APPL2: variants seen among roughly 807,000 people sequenced by gnomAD.
APPL2 encodes the protein adaptor protein, phosphotyrosine interacting with PH domain and leucine zipper 2.
A neutral mutation model predicts 92.7 loss-of-function variants in APPL2; 84 were observed. The ratio of observed to expected loss-of-function variants is 0.91; its 90% CI spans 0.76 to 1.09. APPL2 has a LOEUF of 1.09. Ranked by LOEUF, APPL2 falls within the 50% of genes least tolerant of loss-of-function variation. APPL2 has a pLI of 0.00. For missense variants in APPL2, 736 were observed against 824.5 expected (o/e 0.89, Z 1.31); for synonymous variants, 291 against 291.0 (o/e 1.00, Z 0.00).
At chr12:105,200,960 G>A (rs757650425) in intron 9 of APPL2, among the ~76,000 whole-genome samples, 15 of 152,092 alleles carry the variant, frequency 9.9e-5, no homozygotes, top group Admixed American at 2.6e-4. Context: ...CCAGGCTGGA[G>A]TGCAGTGGCA....
rs769911902 is a variant in APPL2 at position 105,174,199 on chromosome 12, C to T, written c.*115G>A. 113 of 1,329,156 alleles carry T rather than the reference C, an allele frequency of 8.5e-5. 1 individual carries two copies. The South Asian group carries it at 1.7e-3, about 19-fold the overall frequency. 82.3% of individuals were successfully genotyped at this position (1,329,156 alleles called of 1,614,324 possible). A position where few individuals can be genotyped will look rare whatever the true frequency, so the allele number is the denominator to read the frequency against. ...ATCAAGGCATCAAGATTACATTCCA[C>T]AAACGATTGTCAGCCTTCGGAAATC... On this transcript the variant is annotated 3_prime_UTR_variant, in exon 21 of 21. Transcript: ENST00000258530.
chr12:105,185,036 T>C (rs1566054092), intron 17 of APPL2, among the ~76,000 whole-genome samples: 1 of 152,184 alleles, frequency 6.6e-6, no homozygotes, highest in African/African-American at 2.4e-5. Flanking sequence ...ATGATCTTCC[T>C]GATGGCTTTC....
chr12:105,227,061 C>A (rs202157126), intron 2 of APPL2, among the ~76,000 whole-genome samples: 1 of 151,698 alleles, frequency 6.6e-6, no homozygotes, highest in East Asian at 1.9e-4. Context: ...TTAGAGGCTA[C>A]AGTGAGGTAT....
chr12:105,231,977 T>C (rs937872105), intron 1 of APPL2, among the ~76,000 whole-genome samples: 1 of 152,176 alleles, frequency 6.6e-6, no homozygotes, highest in African/African-American at 2.4e-5. Context: ...GGCACACCAG[T>C]AGCTCAAAAT....
chr12:105,212,875 G>C (rs1361736962), intron 4 of APPL2, among the ~76,000 whole-genome samples: 1 of 152,210 alleles, frequency 6.6e-6, no homozygotes, highest in African/African-American at 2.4e-5. Flanking sequence ...TGCCAGGCAA[G>C]GAAGCACCGG....
At chr12:105,179,168 G>A (rs1218371628) in intron 17 of APPL2, among the ~76,000 whole-genome samples, 1 of 152,110 alleles carries the variant, frequency 6.6e-6, no homozygotes, top group Non-Finnish European at 1.5e-5. Context: ...CCCAGTGTGT[G>A]ATGTTCCCCT....
intron 4 of APPL2, among the ~76,000 whole-genome samples, chr12:105,215,700 T>C (rs1889626806): frequency 6.6e-6 from 1 of 152,240 alleles, no homozygotes; most frequent in Non-Finnish European, 1.5e-5. Flanking sequence ...CACTCCTTTA[T>C]GTTTATTCTT....
rs12311156 is a variant in APPL2 at position 105,206,974 on chromosome 12, G to C, written c.621+87C>G. 971 of 1,488,398 alleles carry C rather than the reference G, an allele frequency of 6.5e-4. 5 individuals are homozygous for C. Among genetic ancestry groups the C allele is most frequent in the South Asian group, 5.2e-3 (389 of 75,442 alleles). 92.2% of individuals were successfully genotyped at this position (1,488,398 alleles called of 1,614,324 possible). A position where few individuals can be genotyped will look rare whatever the true frequency, so the allele number is the denominator to read the frequency against. Reference sequence around the variant, plus strand: ...ATTGTGCATTTATGTTTCTTTCTACGACGATGCTTCAGTGTCTCCTGCGTG... The same window carrying C: ...ATTGTGCATTTATGTTTCTTTCTACCACGATGCTTCAGTGTCTCCTGCGTG... On this transcript the variant is annotated intron_variant, in intron 8 of 20. Coordinates refer to ENST00000258530, the MANE Select transcript of APPL2 (RefSeq NM_018171.5).
chr12:105,174,875 G>GT (rs1407346024), intron 20 of APPL2, among the ~76,000 whole-genome samples: 2 of 75,344 alleles, frequency 2.7e-5, no homozygotes, highest in African/African-American at 8.2e-5. Flanking sequence ...CTTTTTTTTG[G>GT]TGGGGGGGGG....
At chr12:105,213,913 G>A (rs1592817045) in intron 4 of APPL2, among the ~76,000 whole-genome samples, 1 of 152,172 alleles carries the variant, frequency 6.6e-6, no homozygotes, top group African/African-American at 2.4e-5. Flanking sequence ...CTGGCTGGGC[G>A]TGGTGGCTCA....
chr12:105,196,366 A>G (rs1887641369), intron 11 of APPL2, among the ~76,000 whole-genome samples: 1 of 146,788 alleles, frequency 6.8e-6, no homozygotes, highest in Admixed American at 6.8e-5. Context: ...TCTGCTGCGT[A>G]TGGAGGCCCG....
At chr12:105,217,576 A>G in intron 3 of APPL2, 90 bp downstream of exon 3, 1 of 1,240,586 alleles carries the variant, frequency 8.1e-7, no homozygotes, top group Non-Finnish European at 1.1e-6. Flanking sequence ...TGAAACAAAT[A>G]ATTTAGGTCT....
intron 4 of APPL2, 91 bp downstream of exon 4, chr12:105,216,978 T>C (rs1197248534): frequency 1.1e-6 from 1 of 871,906 alleles, no homozygotes; most frequent in Non-Finnish European, 1.8e-6. Flanking sequence ...GATATTTAAG[T>C]AGAAATTTAA....
At chr12:105,225,153 T>TA (rs36095091) in intron 2 of APPL2, among the ~76,000 whole-genome samples, 28,759 of 143,612 alleles carry the variant, frequency 0.2, 2,933 homozygotes, top group East Asian at 0.35. Context: ...CAAATTTACT[T>TA]AAAAAAAAAA....
intron 17 of APPL2, among the ~76,000 whole-genome samples, chr12:105,186,660 T>TATATTATATATATGATATAG (rs1566056314): frequency 1.1e-5 from 1 of 92,680 alleles, no homozygotes; most frequent in African/African-American, 4.8e-5. Context: ...CGATATCATA[T>TATATTATATATATGATATAG]ATATCATATA....
chr12:105,200,361 G>A (rs1205788587), intron 9 of APPL2, among the ~76,000 whole-genome samples: 2 of 152,240 alleles, frequency 1.3e-5, no homozygotes, highest in African/African-American at 4.8e-5. Context: ...GTACTAAGGT[G>A]CAACAACAAA....
intron 10 of APPL2, 31 bp downstream of exon 10, chr12:105,199,342 C>T: frequency 6.3e-7 from 1 of 1,595,278 alleles, no homozygotes; most frequent in Non-Finnish European, 8.5e-7. Context: ...AAACGGATTT[C>T]AGAAAAAGAG....
At chr12:105,211,454 C>T in intron 4 of APPL2, 137 bp from the exon 5 acceptor site, 1 of 625,762 alleles carries the variant, frequency 1.6e-6, no homozygotes, top group South Asian at 1.9e-5. Flanking sequence ...AAGTAAGTAC[C>T]CTTCATAAAG....
At chr12:105,202,520 T>C (rs1268357835) in intron 9 of APPL2, among the ~76,000 whole-genome samples, 1 of 152,224 alleles carries the variant, frequency 6.6e-6, no homozygotes, top group Non-Finnish European at 1.5e-5. Context: ...CGAGGAATTC[T>C]GAGAGTTAAA....
Sources: allele counts gnomAD v4.1 joint callset (sites outside exome capture counted in the v4.1 genomes callset), GRCh38; gene constraint gnomAD v4.1.1; transcripts MANE v1.5; gene names NCBI Gene and HGNC (gene_info 2026-07-23, HGNC 2026-07-21).